Variants in PLA2G4A observed in about 807,000 individuals in gnomAD.
PLA2G4A encodes cytosolic phospholipase A2.
Under a neutral mutation model 81.9 loss-of-function variants are expected in PLA2G4A, and 40 were observed. That is an observed-to-expected ratio of 0.49 (90% confidence interval 0.38 to 0.64). PLA2G4A has a LOEUF of 0.64. Among genes scored for constraint, PLA2G4A ranks in the 30% least tolerant of loss-of-function variants. PLA2G4A has a pLI of 0.00. For missense variants in PLA2G4A, 715 were observed against 905.1 expected, an observed-to-expected ratio of 0.79 and a Z score of 2.69; for synonymous variants, 302 against 296.9, an observed-to-expected ratio of 1.02 and a Z score of -0.18.
chr1:186,893,980 A>T, intron 4 of PLA2G4A, 118 bp from the exon 5 acceptor site: 1 of 683,770 alleles, frequency 1.5e-6, no homozygotes, highest in South Asian at 1.6e-5. Flanking sequence ...TGAGATCTTC[A>T]AGGACTCTTA....
At chr1:186,887,473 T>C (rs958602372) in intron 3 of PLA2G4A, among the ~76,000 whole-genome samples, 3 of 152,148 alleles carry the variant, frequency 2.0e-5, no homozygotes, top group African/African-American at 7.2e-5. Flanking sequence ...GCATGTAGTT[T>C]CATGTCAACT....
intron 15 of PLA2G4A, 61 bp downstream of exon 15, chr1:186,965,654 C>A: frequency 1.7e-6 from 2 of 1,161,144 alleles, no homozygotes; most frequent in South Asian, 1.2e-5. Context: ...CCTTATAGAT[C>A]TCTTAGTCCC....
chr1:186,961,459 C>T (rs368983186), intron 14 of PLA2G4A, among the ~76,000 whole-genome samples: 15 of 151,584 alleles, frequency 9.9e-5, no homozygotes, highest in East Asian at 3.9e-4. Context: ...CATAAATATA[C>T]GCAATTATTA....
chr1:186,986,232 T>A (rs2102308836), intron 17 of PLA2G4A, among the ~76,000 whole-genome samples: 1 of 152,346 alleles, frequency 6.6e-6, no homozygotes, highest in South Asian at 2.1e-4. Flanking sequence ...TTGATATTGC[T>A]GATTTTTTTT....
rs187702975 is a variant in PLA2G4A at position 186,965,288 on chromosome 1, C to G, written c.1580-121C>G. ...TGGTTTCATGCCCAGCTCTATTTGT[C>G]TCCAAAGCCTGAGGGCCTAATCATA... On this transcript the variant is annotated intron_variant, in intron 14 of 17. Transcript: ENST00000367466. The G allele has an allele frequency of 5.9e-4, 437 of 745,368 alleles. 8 individuals carry two copies. The Admixed American group carries it at 9.2e-3, about 16-fold the overall frequency. 46.2% of individuals were successfully genotyped at this position (745,368 alleles called of 1,614,324 possible).
intron 1 of PLA2G4A, among the ~76,000 whole-genome samples, chr1:186,834,404 C>T (rs1427031013): frequency 6.6e-6 from 1 of 151,370 alleles, no homozygotes; most frequent in East Asian, 1.9e-4. Context: ...TTAATGTCTG[C>T]CTTATGATTC....
chr1:186,912,784 TTATA>T (rs68042430), intron 7 of PLA2G4A, among the ~76,000 whole-genome samples: 4 of 120,810 alleles, frequency 3.3e-5, no homozygotes, highest in African/African-American at 7.2e-5. Context: ...ATATGTATAC[TTATA>T]TATATATGTA....
At chr1:186,899,382 C>A (rs368286785) in intron 5 of PLA2G4A, among the ~76,000 whole-genome samples, 1 of 151,980 alleles carries the variant, frequency 6.6e-6, no homozygotes, top group Non-Finnish European at 1.5e-5. Context: ...AGGATCATTG[C>A]GGGTGACAGT....
intron 5 of PLA2G4A, among the ~76,000 whole-genome samples, chr1:186,898,238 T>C (rs1022263447): frequency 6.6e-6 from 1 of 152,156 alleles, no homozygotes; most frequent in Admixed American, 6.5e-5. Flanking sequence ...AAGCCTCTAT[T>C]GTGCTCCTAA....
intron 1 of PLA2G4A, among the ~76,000 whole-genome samples, chr1:186,833,173 G>C (rs1049879650): frequency 2.6e-5 from 4 of 152,118 alleles, no homozygotes; most frequent in Non-Finnish European, 4.4e-5. Context: ...TGGCAGGCTT[G>C]AGCCCAAGAG....
intron 17 of PLA2G4A, among the ~76,000 whole-genome samples, chr1:186,987,976 G>C (rs890276778): frequency 6.6e-6 from 1 of 151,946 alleles, no homozygotes; most frequent in Non-Finnish European, 1.5e-5. Flanking sequence ...TTACTTTCCT[G>C]GTGGTCTTTT....
Position 186,946,715 on chromosome 1 carries a change from A to C in PLA2G4A, c.1112A>C (p.Lys371Thr). 6.2e-7 allele frequency: 1 copy of C among 1,612,442 alleles called. No homozygotes were observed. The highest frequency in any genetic ancestry group is 8.5e-7 in the Non-Finnish European group (1 of 1,178,782). ...ATGGCTCCCGACTTATTTGGAAGCA[A>C]ATTTTTTATGGGAACAGTCGTTAAG... ...TFMAPDLFGS[K>T]FFMGTVVKKY... Residue 371 changes from lysine (K) to threonine (T), a missense_variant, in exon 11 of 18, where the codon AAA (lysine) becomes ACA (threonine). Physicochemically the swap from Lys to Thr is moderately conservative, Grantham distance 78. Transcript: ENST00000367466.
chr1:186,845,713 T>C (rs1228104013), intron 1 of PLA2G4A, among the ~76,000 whole-genome samples: 1 of 152,158 alleles, frequency 6.6e-6, no homozygotes, highest in Admixed American at 6.5e-5. Context: ...GACAAAACAC[T>C]CTAGTCTGGG....
At chr1:186,902,025 A>G (rs1654557657) in intron 5 of PLA2G4A, among the ~76,000 whole-genome samples, 1 of 152,204 alleles carries the variant, frequency 6.6e-6, no homozygotes, top group South Asian at 2.1e-4. Context: ...ATCATAAAGT[A>G]TGCTTACACA....
At chr1:186,955,158 T>G (rs1202244328) in intron 13 of PLA2G4A, among the ~76,000 whole-genome samples, 1 of 152,176 alleles carries the variant, frequency 6.6e-6, no homozygotes, top group African/African-American at 2.4e-5. Flanking sequence ...AAAAAGTCAT[T>G]TAAAACTGCT....
intron 3 of PLA2G4A, among the ~76,000 whole-genome samples, chr1:186,879,361 G>A (rs1378362937): frequency 2.0e-5 from 3 of 151,960 alleles, no homozygotes; most frequent in African/African-American, 7.2e-5. Flanking sequence ...GTCCACATCA[G>A]TAATTGCTGA....
At chr1:186,976,125 A>G (rs1048562064) in intron 15 of PLA2G4A, among the ~76,000 whole-genome samples, 2 of 152,172 alleles carry the variant, frequency 1.3e-5, no homozygotes, top group Admixed American at 6.6e-5. Flanking sequence ...TTTGATTGCT[A>G]TCTCTCGCCC....
At chr1:186,927,817 A>G (rs1002079683) in intron 7 of PLA2G4A, among the ~76,000 whole-genome samples, 1 of 152,168 alleles carries the variant, frequency 6.6e-6, no homozygotes, top group Non-Finnish European at 1.5e-5. Context: ...TCTGAAGGAG[A>G]TAAGAGAAAT....
chr1:186,902,311 A>G (rs1312715322), intron 5 of PLA2G4A, among the ~76,000 whole-genome samples: 1 of 152,150 alleles, frequency 6.6e-6, no homozygotes, highest in African/African-American at 2.4e-5. Context: ...ATGACTCTCA[A>G]TTCATACAAA....
Sources: allele counts gnomAD v4.1 joint callset (sites outside exome capture counted in the v4.1 genomes callset), GRCh38; gene constraint gnomAD v4.1.1; transcripts MANE v1.5; gene names NCBI Gene and HGNC (gene_info 2026-07-23, HGNC 2026-07-21).